Variants in KMT2A observed in about 807,000 individuals in gnomAD.
KMT2A encodes the protein lysine methyltransferase 2A, also known as histone-lysine N-methyltransferase 2A.
A neutral mutation model predicts 345.3 loss-of-function variants in KMT2A; 16 were observed. The ratio of observed to expected loss-of-function variants is 0.05; its 90% CI spans 0.03 to 0.07. The LOEUF (loss-of-function observed/expected upper bound fraction) is 0.07. Ranked by LOEUF, KMT2A falls within the 10% of genes least tolerant of loss-of-function variation. The probability of loss-of-function intolerance (pLI) is 1.00; values close to 1 mark genes in which losing one functional copy is unlikely to be tolerated. For missense variants in KMT2A, 3,272 were observed against 4,841.6 expected (o/e 0.68, Z 9.62); for synonymous variants, 1,599 against 1,778.6 (o/e 0.90, Z 2.54).
At position 118,503,558 on chromosome 11, in the gene KMT2A, A is replaced by G. The variant is rs374626588; in HGVS notation, c.7666A>G (p.Thr2556Ala). The change falls in exon 27 of 36, where the codon ACA becomes GCA. Residue 2556 changes from threonine (T) to alanine (A), a missense_variant. Coordinates refer to ENST00000534358, the MANE Select transcript of KMT2A (RefSeq NM_001197104.2). The surrounding 1 kb of genome is among the most constrained non-coding windows in gnomAD (Gnocchi z 5.3). ...SPASPLQIESTSPTEPISASE... is the reference protein window; with the variant it reads ...SPASPLQIESASPTEPISASE... ...TGCTTCCCCTTTGCAAATAGAGTCA[A>G]CATCTCCCACAGAACCAATTTCAGC... 5.0e-6 allele frequency: 8 copies of G among 1,614,054 alleles called. No individual in the cohort carries two copies. Among genetic ancestry groups the G allele is most frequent in the Non-Finnish European group, 6.8e-6 (8 of 1,180,016 alleles).
intron 1 of KMT2A, among the ~76,000 whole-genome samples, chr11:118,446,663 A>C (rs570507050): frequency 1.3e-5 from 2 of 152,214 alleles, no homozygotes; most frequent in Admixed American, 6.5e-5. Flanking sequence ...CTGCTGTCCT[A>C]GTTTAAATTT....
chr11:118,492,994 G>T (rs1950349222), intron 15 of KMT2A, 63 bp from the exon 16 acceptor site: 4 of 1,295,526 alleles, frequency 3.1e-6, no homozygotes, highest in African/African-American at 1.5e-5. Flanking sequence ...AATTTTAATA[G>T]AATTTACATG....
In KMT2A at chr11:118,503,649, C is replaced by A. The variant is rs1473869242; in HGVS notation, c.7757C>A (p.Ser2586Tyr). 6.2e-7 allele frequency: 1 copy of A among 1,614,196 alleles called. No individual in the cohort carries two copies. The highest frequency in any genetic ancestry group is 1.1e-5 in the South Asian group (1 of 91,088). Reference sequence around the variant, plus strand: ...CCCAATAATACCTCATGCCAGGATTCTCAAAGTAACAACTATCAGAATCTT... The same window carrying A: ...CCCAATAATACCTCATGCCAGGATTATCAAAGTAACAACTATCAGAATCTT... ...PSPNNTSCQD[S>Y]QSNNYQNLPV... is the part of the protein sequence containing the mutation. The change falls in exon 27 of 36, where the codon TCT (serine) becomes TAT (tyrosine). Residue 2586 changes from serine to tyrosine, a missense_variant. By Grantham distance (144) the Ser-to-Tyr change is moderately radical. Around this residue, in one of 27 missense-constraint regions of KMT2A, gnomAD observed 445 missense variants for 500.9 expected, o/e 0.89. Transcript: ENST00000534358. The surrounding 1 kb of genome is among the most constrained non-coding windows in gnomAD (Gnocchi z 5.3).
rs781966368 is a variant in KMT2A at position 118,522,324 on chromosome 11, C to T, written c.*152C>T. The T allele has an allele frequency of 4.5e-6, 3 of 668,998 alleles. No individual in the cohort carries two copies. The highest frequency in any genetic ancestry group is 7.6e-6 in the Non-Finnish European group (3 of 395,478). 41.4% of individuals were successfully genotyped at this position (668,998 alleles called of 1,614,324 possible). On this transcript the variant is annotated 3_prime_UTR_variant, in exon 36 of 36. Transcript: ENST00000534358. The surrounding 1 kb of genome is among the most constrained non-coding windows in gnomAD (Gnocchi z 5.4). ...TGAGCTCTCTTATGTCCTATACTCACATCAGACATGTGATCATAGTCCCAG... is the reference window on the plus strand; with the variant it reads ...TGAGCTCTCTTATGTCCTATACTCATATCAGACATGTGATCATAGTCCCAG...
intron 22 of KMT2A, 30 bp from the exon 23 acceptor site, chr11:118,499,273 T>G (rs1950460076): frequency 5.2e-6 from 7 of 1,357,074 alleles, no homozygotes; most frequent in Non-Finnish European, 7.4e-6. Context: ...AGGGACAGCC[T>G]ATTAACAGCT....
At chr11:118,444,480 A>G (rs1555026637) in intron 1 of KMT2A, among the ~76,000 whole-genome samples, 1 of 152,206 alleles carries the variant, frequency 6.6e-6, no homozygotes, top group African/African-American at 2.4e-5. Context: ...GAGATCGTTT[A>G]GCATAGTAAT....
chr11:118,458,961 A>G (rs1949696996), intron 1 of KMT2A, among the ~76,000 whole-genome samples: 1 of 152,234 alleles, frequency 6.6e-6, no homozygotes, highest in Non-Finnish European at 1.5e-5. Context: ...AAGTATTTCA[A>G]AAAACAAGTG....
chr11:118,520,440 C>A lies in KMT2A; in HGVS notation c.11430-362C>A, dbSNP rs556527243. ...GTCCGAGGCGGACAGATCATGAGGT[C>A]AGGAGTTCGAGACCAGCCTGACCAA... On this transcript the variant is annotated intron_variant, in intron 33 of 35. Coordinates refer to ENST00000534358, the MANE Select transcript of KMT2A (RefSeq NM_001197104.2). This position sits in a 1 kb window ranked among gnomAD's most constrained non-coding sequence, Gnocchi z 4.3. 4.2e-5 allele frequency: 14 copies of A among 331,208 alleles called. No individual in the cohort carries two copies. The South Asian group carries it at 6.2e-4, about 15-fold the overall frequency. 20.5% of individuals were successfully genotyped at this position (331,208 alleles called of 1,614,324 possible).
rs2134365554 is a variant in KMT2A at position 118,498,177 on chromosome 11, C to G, written c.5802+104C>G. The stretch of plus-strand genomic sequence containing the variant: ...TCCCTGATATTTTTCACAGTGCCAT[C>G]AGGGTAGTTAGCCAACAAGTATTGA... On this transcript the variant is annotated intron_variant, in intron 21 of 35. Transcript: ENST00000534358. The surrounding 1 kb of genome is among the most constrained non-coding windows in gnomAD (Gnocchi z 4.4). 1 of 1,324,250 alleles carries G rather than the reference C, an allele frequency of 7.6e-7. No homozygotes were observed. The highest frequency in any genetic ancestry group is 1.1e-6 in the Non-Finnish European group (1 of 945,292). The allele number at this position is 1,324,250 out of a possible 1,614,324, so 82.0% of individuals were successfully genotyped here. A position where few individuals can be genotyped will look rare whatever the true frequency, so the allele number is the denominator to read the frequency against.
At chr11:118,452,350 C>T (rs1949556720) in intron 1 of KMT2A, among the ~76,000 whole-genome samples, 1 of 152,076 alleles carries the variant, frequency 6.6e-6, no homozygotes, top group South Asian at 2.1e-4. Context: ...GTCTGAACAA[C>T]ATAGTGAGAC....
chr11:118,482,204 C>A, intron 7 of KMT2A, 112 bp downstream of exon 7: 2 of 1,220,618 alleles, frequency 1.6e-6, no homozygotes, highest in South Asian at 1.7e-5. Flanking sequence ...GTCTTCAGTT[C>A]AAGAAAATCA....
Position 118,473,730 on chromosome 11 carries a change from G to A in KMT2A, c.2571G>A (p.Glu857=). 13 of 1,614,098 alleles carry A rather than the reference G, an allele frequency of 8.1e-6. No homozygotes were observed. Among genetic ancestry groups the A allele is most frequent in the Non-Finnish European group, 1.0e-5 (12 of 1,179,978 alleles). ...GAAATAAAGACAAGGCCCCCGAGGA[G>A]CTGTCCAAAGATCGAGATGCTGACA... ...RGRNKDKAPE[E]LSKDRDADKS... is the part of the protein sequence containing the mutation. Residue 857 remains glutamate, a synonymous_variant, in exon 3 of 36, where the codon GAG becomes GAA. Coordinates refer to ENST00000534358, the MANE Select transcript of KMT2A (RefSeq NM_001197104.2). The surrounding 1 kb of genome is among the most constrained non-coding windows in gnomAD (Gnocchi z 5.2).
intron 31 of KMT2A, among the ~76,000 whole-genome samples, chr11:118,513,736 T>C (rs1416758721): frequency 2.0e-5 from 3 of 151,534 alleles, no homozygotes; most frequent in Non-Finnish European, 4.4e-5. Context: ...TTCAAGACCA[T>C]CCTGGGCAAT....
chr11:118,522,012 T>C lies in KMT2A; in HGVS notation c.11759T>C (p.Val3920Ala), dbSNP rs1555053703. The stretch of plus-strand genomic sequence containing the variant: ...TGTGAGCCTAACTGCTATTCTCGGG[T>C]CATCAATATTGATGGGCAGAAGCAC... The part of the protein sequence containing the change: ...HSCEPNCYSR[V>A]INIDGQKHIV... Residue 3920 changes from valine to alanine, a missense_variant, in exon 36 of 36, where the codon GTC becomes GCC. Around this residue, in one of 27 missense-constraint regions of KMT2A, gnomAD observed 78 missense variants for 254.5 expected, o/e 0.31. Transcript: ENST00000534358. The surrounding 1 kb of genome is among the most constrained non-coding windows in gnomAD (Gnocchi z 5.4). The C allele has an allele frequency of 6.2e-7, 1 of 1,614,208 alleles. No homozygotes were observed. Among genetic ancestry groups the C allele is most frequent in the Non-Finnish European group, 8.5e-7 (1 of 1,180,042 alleles).
chr11:118,495,421 T>A lies in KMT2A; in HGVS notation c.5364-279T>A, dbSNP rs930874861. Among the ~76,000 whole-genome samples, 11 of 152,100 alleles carry A rather than the reference T, an allele frequency of 7.2e-5. No individual in the cohort carries two copies. The highest frequency in any genetic ancestry group is 1.5e-4 in the Non-Finnish European group (10 of 68,022). On this transcript the variant is annotated intron_variant, in intron 18 of 35. Transcript: ENST00000534358. The surrounding 1 kb of genome is among the most constrained non-coding windows in gnomAD (Gnocchi z 4.1). Reference sequence around the variant, plus strand: ...TCCGCCTGCCTCACCCTCCCAAAAGTGCTGGGATTACAGGCATGAGCCACC... The same window carrying A: ...TCCGCCTGCCTCACCCTCCCAAAAGAGCTGGGATTACAGGCATGAGCCACC...
chr11:118,465,644 A>ACTGG (rs1307649761), intron 1 of KMT2A, among the ~76,000 whole-genome samples: 2 of 152,184 alleles, frequency 1.3e-5, no homozygotes, highest in Non-Finnish European at 2.9e-5. Flanking sequence ...TTCTCTCCCC[A>ACTGG]CATCCAGCAC....
At chr11:118,446,991 T>C (rs9332752) in intron 1 of KMT2A, among the ~76,000 whole-genome samples, 2 of 152,220 alleles carry the variant, frequency 1.3e-5, no homozygotes. Flanking sequence ...CTTTGTACCT[T>C]TGCTAAAGCC....
rs782275407 is a variant in KMT2A, at chr11:118,520,777, G to C, written c.11430-25G>C. On this transcript the variant is annotated intron_variant, in intron 33 of 35. Transcript: ENST00000534358. This position sits in a 1 kb window ranked among gnomAD's most constrained non-coding sequence, Gnocchi z 4.3. Reference sequence around the variant, plus strand: ...AAACATTATTTCCTGAAAAAAATTCGTTAATAGTATGTCTTATCTCTTAGG... The same window carrying C: ...AAACATTATTTCCTGAAAAAAATTCCTTAATAGTATGTCTTATCTCTTAGG... 2.1e-5 allele frequency: 33 copies of C among 1,578,668 alleles called. 1 individual carries two copies. In the South Asian group the frequency reaches 3.0e-4, roughly 14 times the overall value.
intron 1 of KMT2A, among the ~76,000 whole-genome samples, chr11:118,466,649 C>T (rs1418315348): frequency 4.6e-5 from 7 of 151,902 alleles, no homozygotes; most frequent in African/African-American, 7.3e-5. Context: ...AAGCCCATCT[C>T]TACTAAAAAT....
Sources: allele counts gnomAD v4.1 joint callset (sites outside exome capture counted in the v4.1 genomes callset), GRCh38; gene constraint gnomAD v4.1.1; regional missense constraint gnomAD v4.1.1; non-coding constraint Gnocchi (gnomAD v3.1); transcripts MANE v1.5; gene names NCBI Gene and HGNC (gene_info 2026-07-23, HGNC 2026-07-21).